The following ALPL variants were observed in gnomAD, a reference collection of about 807,000 sequenced individuals.
The protein encoded by ALPL is alkaline phosphatase, tissue-nonspecific isozyme.
Under a neutral mutation model 51.3 loss-of-function variants are expected in ALPL, and 42 were observed. That is an observed-to-expected ratio of 0.82 (90% CI 0.64 to 1.06). The LOEUF (loss-of-function observed/expected upper bound fraction) is 1.06. Among genes scored for constraint, ALPL ranks in the 50% least tolerant of loss-of-function variants. The probability of loss-of-function intolerance (pLI) is 0.00; values close to 1 mark genes in which losing one functional copy is unlikely to be tolerated. For synonymous variants in ALPL, 279 were observed against 296.4 expected (o/e 0.94, Z 0.60); for missense variants, 589 against 709.4 (o/e 0.83, Z 1.93).
intron 4 of ALPL, 111 bp downstream of exon 4, chr1:21,561,323 C>T: frequency 1.1e-6 from 1 of 889,422 alleles, no homozygotes; most frequent in South Asian, 1.4e-5. Context: ...CCCTCCATGC[C>T]CAAGCCCACT....
intron 4 of ALPL, among the ~76,000 whole-genome samples, chr1:21,562,403 G>A (rs71636981): frequency 0.026 from 3,971 of 152,226 alleles, 64 homozygotes; most frequent in Non-Finnish European, 0.033. Context: ...AAGGCAGTGT[G>A]CACTGCCGGG....
intron 2 of ALPL, among the ~76,000 whole-genome samples, chr1:21,559,256 G>A (rs1644453378): frequency 6.6e-6 from 1 of 152,142 alleles, no homozygotes; most frequent in Non-Finnish European, 1.5e-5. Context: ...GATCTGATAG[G>A]GCCCTGGGAC....
chr1:21,511,393 T>C (rs889189124), intron 1 of ALPL, among the ~76,000 whole-genome samples: 1 of 152,224 alleles, frequency 6.6e-6, no homozygotes, highest in African/African-American at 2.4e-5. Context: ...AGATCAATAG[T>C]GCCTACCAGT....
intron 4 of ALPL, among the ~76,000 whole-genome samples, chr1:21,562,752 C>T (rs1644502110): frequency 6.6e-6 from 1 of 151,802 alleles, no homozygotes; most frequent in Non-Finnish European, 1.5e-5. Flanking sequence ...GCCCCTCCCT[C>T]TCCCTTCTCC....
At chr1:21,557,651 C>T (rs1399989207) in intron 2 of ALPL, among the ~76,000 whole-genome samples, 2 of 152,216 alleles carry the variant, frequency 1.3e-5, no homozygotes, top group Non-Finnish European at 2.9e-5. Context: ...CTTACTGTAG[C>T]CTCAAACTCC....
intron 2 of ALPL, among the ~76,000 whole-genome samples, chr1:21,558,097 C>T (rs1644436886): frequency 6.6e-6 from 1 of 152,236 alleles, no homozygotes. Flanking sequence ...TGTCCAGAGC[C>T]ATTGTTGCTT....
chr1:21,562,800 C>T (rs1644502866), intron 4 of ALPL, among the ~76,000 whole-genome samples: 1 of 152,012 alleles, frequency 6.6e-6, no homozygotes, highest in Non-Finnish European at 1.5e-5. Flanking sequence ...CTGGCTCCTG[C>T]AGCCCCAGGC....
intron 2 of ALPL, among the ~76,000 whole-genome samples, chr1:21,559,771 C>T (rs545261609): frequency 1.3e-5 from 2 of 152,270 alleles, no homozygotes; most frequent in South Asian, 2.1e-4. Flanking sequence ...CTGCCTGCCT[C>T]GGCCTTCCAA....
intron 7 of ALPL, among the ~76,000 whole-genome samples, chr1:21,569,176 C>A (rs1570287007): frequency 6.6e-6 from 1 of 152,118 alleles, no homozygotes; most frequent in Admixed American, 6.5e-5. Flanking sequence ...CTTTCCATCC[C>A]TTCTGAGTCA....
chr1:21,537,880 C>T (rs908488412), intron 1 of ALPL, among the ~76,000 whole-genome samples: 4 of 152,172 alleles, frequency 2.6e-5, no homozygotes, highest in Admixed American at 1.3e-4. Flanking sequence ...GAAAAGCCCC[C>T]GGCGCGTAGT....
intron 1 of ALPL, among the ~76,000 whole-genome samples, chr1:21,525,925 T>G (rs1643935521): frequency 6.6e-6 from 1 of 151,724 alleles, no homozygotes; most frequent in Non-Finnish European, 1.5e-5. Flanking sequence ...GAGGCAGAGG[T>G]GGCAGTGAGC....
chr1:21,558,871 G>A (rs1383731727), intron 2 of ALPL, among the ~76,000 whole-genome samples: 3 of 152,182 alleles, frequency 2.0e-5, no homozygotes, highest in African/African-American at 4.8e-5. Flanking sequence ...GAGCCACGGC[G>A]ACGCGTGAGT....
In ALPL at chr1:21,556,102, C is replaced by T. The variant is rs144168316; in HGVS notation, c.61+1960C>T. 5.7e-3 allele frequency among the ~76,000 whole-genome samples: 868 copies of T among 152,196 alleles called. 5 individuals carry two copies. Among genetic ancestry groups the T allele is most frequent in the African/African-American group, 0.019 (787 of 41,522 alleles). The stretch of plus-strand genomic sequence containing the variant: ...TTTTTGTTTTTCTGTTGGAGATTCA[C>T]GCGGAAGTGTTTCCACAGCATGGCA... On this transcript the variant is annotated intron_variant, in intron 2 of 11. Transcript: ENST00000374840.
At chr1:21,554,649 C>CG in intron 2 of ALPL, among the ~76,000 whole-genome samples, 1 of 151,528 alleles carries the variant, frequency 6.6e-6, no homozygotes, top group South Asian at 2.1e-4. Context: ...CGCCACCGCG[C>CG]CAGGCTAATT....
At chr1:21,537,793 C>CGA (rs1461311433) in intron 1 of ALPL, among the ~76,000 whole-genome samples, 1 of 152,242 alleles carries the variant, frequency 6.6e-6, no homozygotes, top group Non-Finnish European at 1.5e-5. Flanking sequence ...CTGAACCTCC[C>CGA]TCCTGTTCTG....
At chr1:21,552,649 C>T (rs1485242168) in intron 1 of ALPL, among the ~76,000 whole-genome samples, 2 of 152,102 alleles carry the variant, frequency 1.3e-5, no homozygotes, top group Admixed American at 6.5e-5. Flanking sequence ...AGGCCTGAAG[C>T]GAACTTCCTC....
At chr1:21,544,055 C>T (rs1353683513) in intron 1 of ALPL, among the ~76,000 whole-genome samples, 2 of 152,142 alleles carry the variant, frequency 1.3e-5, no homozygotes, top group South Asian at 4.1e-4. Context: ...TACCTGCCAT[C>T]GATGTGACCT....
chr1:21,548,261 C>A (rs959339491), intron 1 of ALPL, among the ~76,000 whole-genome samples: 1 of 152,208 alleles, frequency 6.6e-6, no homozygotes, highest in Non-Finnish European at 1.5e-5. Flanking sequence ...GGAGCCTCTG[C>A]GAGGGGGAGG....
chr1:21,513,854 A>G (rs1019883778), intron 1 of ALPL, among the ~76,000 whole-genome samples: 3 of 152,188 alleles, frequency 2.0e-5, no homozygotes, highest in Non-Finnish European at 4.4e-5. Flanking sequence ...CAGTGGCTGG[A>G]GCTGATTAGC....
Sources: allele counts gnomAD v4.1 joint callset (sites outside exome capture counted in the v4.1 genomes callset), GRCh38; gene constraint gnomAD v4.1.1; transcripts MANE v1.5; gene names NCBI Gene and HGNC (gene_info 2026-07-23, HGNC 2026-07-21).